The following LRTM2 variants were observed in gnomAD, a reference collection of about 807,000 sequenced individuals.
LRTM2 encodes leucine-rich repeat and transmembrane domain-containing protein 2.
A neutral mutation model predicts 28.1 loss-of-function variants in LRTM2; 18 were observed. That is an observed-to-expected ratio of 0.64 (90% CI 0.44 to 0.95). LRTM2 has a LOEUF of 0.95. LRTM2 is among the 40% of genes least tolerant of loss of function. LRTM2 has a pLI of 0.00. For synonymous variants in LRTM2, 250 were observed against 218.7 expected (o/e 1.14, Z -1.26); for missense variants, 436 against 497.2 (o/e 0.88, Z 1.17).
In LRTM2 at chr12:1,828,457, C is replaced by T. The variant is rs1047427369; in HGVS notation, c.67+242C>T. 6.6e-6 allele frequency among the ~76,000 whole-genome samples: 1 copy of T among 152,232 alleles called. No individual in the cohort carries two copies. The highest frequency in any genetic ancestry group is 1.5e-5 in the Non-Finnish European group (1 of 68,036). Reference sequence around the variant, plus strand: ...TTAGACCTGGAGCTGGAGGCCACGACAGTTGTTCTACCTCCCCCAGGTAAG... The same window carrying T: ...TTAGACCTGGAGCTGGAGGCCACGATAGTTGTTCTACCTCCCCCAGGTAAG... On this transcript the variant is annotated intron_variant, in intron 3 of 4. Coordinates refer to ENST00000299194, the MANE Select transcript of LRTM2 (RefSeq NM_001039029.3). This position sits in a 1 kb window ranked among gnomAD's most constrained non-coding sequence, Gnocchi z 4.2.
intron 4 of LRTM2, among the ~76,000 whole-genome samples, chr12:1,831,919 A>C (rs1264749511): frequency 6.6e-6 from 1 of 152,192 alleles, no homozygotes; most frequent in Non-Finnish European, 1.5e-5. Flanking sequence ...TGGTAGAAGG[A>C]GGGAGAAAAA....
Position 1,831,456 on chromosome 12 carries a change from G to A in LRTM2, c.589G>A (p.Asp197Asn). 6.2e-7 allele frequency: 1 copy of A among 1,614,114 alleles called. No homozygotes were observed. The highest frequency in any genetic ancestry group is 8.5e-7 in the Non-Finnish European group (1 of 1,180,042). ...LANLQLLQVGDNPWECDCNLR... is the reference protein window; with the variant it reads ...LANLQLLQVGNNPWECDCNLR... ...AAACCTGCAGCTGCTGCAGGTCGGG[G>A]ATAACCCCTGGGAGTGTGACTGTAA... Residue 197 changes from aspartate (D) to asparagine (N), a missense_variant, in exon 4 of 5, where the codon GAT (aspartate) becomes AAT (asparagine). By Grantham distance (23) the Asp-to-Asn change is conservative. Coordinates refer to ENST00000299194, the MANE Select transcript of LRTM2 (RefSeq NM_001039029.3).
chr12:1,834,153 C>A lies in LRTM2; in HGVS notation c.659-114C>A. 8.2e-7 allele frequency: 1 copy of A among 1,215,818 alleles called. No individual in the cohort carries two copies. Among genetic ancestry groups the A allele is most frequent in the Non-Finnish European group, 1.1e-6 (1 of 895,036 alleles). 75.3% of individuals were successfully genotyped at this position (1,215,818 alleles called of 1,614,324 possible). ...TAGATGGTGATTCCAGGATTGACTA[C>A]ATTGCTGATAAAAACTACCTTCTGG... On this transcript the variant is annotated intron_variant, in intron 4 of 4. Coordinates refer to ENST00000299194, the MANE Select transcript of LRTM2 (RefSeq NM_001039029.3). This position sits in a 1 kb window ranked among gnomAD's most constrained non-coding sequence, Gnocchi z 7.6.
Position 1,828,127 on chromosome 12 carries a change from C to T in LRTM2, c.-22C>T, listed in dbSNP as rs1481091526. The T allele has an allele frequency of 2.0e-6, 3 of 1,522,062 alleles. No homozygotes were observed. Among genetic ancestry groups the T allele is most frequent in the East Asian group, 2.5e-5 (1 of 39,948 alleles). The allele number at this position is 1,522,062 out of a possible 1,614,324, so 94.3% of individuals were successfully genotyped here. A position where few individuals can be genotyped will look rare whatever the true frequency, so the allele number is the denominator to read the frequency against. ...TCCTCTCTCCCCAGAGCGACAGGGCCCGGAGAGCCGTGGGCCTCACCATGC... is the reference window on the plus strand; with the variant it reads ...TCCTCTCTCCCCAGAGCGACAGGGCTCGGAGAGCCGTGGGCCTCACCATGC... On this transcript the variant is annotated 5_prime_UTR_variant, in exon 3 of 5. Coordinates refer to ENST00000299194, the MANE Select transcript of LRTM2 (RefSeq NM_001039029.3). The surrounding 1 kb of genome is among the most constrained non-coding windows in gnomAD (Gnocchi z 4.2).
intron 1 of LRTM2, among the ~76,000 whole-genome samples, chr12:1,824,361 A>G (rs940652774): frequency 6.6e-6 from 1 of 152,206 alleles, no homozygotes; most frequent in South Asian, 2.1e-4. Context: ...CCGCTGGTCC[A>G]TGGACCACAC....
Position 1,834,246 on chromosome 12 carries a change from C to T in LRTM2, c.659-21C>T. 2 of 1,531,568 alleles carry T rather than the reference C, an allele frequency of 1.3e-6. No homozygotes were observed. Among genetic ancestry groups the T allele is most frequent in the Non-Finnish European group, 1.8e-6 (2 of 1,137,852 alleles). 94.9% of individuals were successfully genotyped at this position (1,531,568 alleles called of 1,614,324 possible). ...AGTTCTAGATGCCTGGTCAGCCCCT[C>T]TTTTTCTCTTCTGCATGTAGGGGGA... is the stretch of plus-strand genomic sequence containing the variant. On this transcript the variant is annotated intron_variant, in intron 4 of 4. Coordinates refer to ENST00000299194, the MANE Select transcript of LRTM2 (RefSeq NM_001039029.3). This position sits in a 1 kb window ranked among gnomAD's most constrained non-coding sequence, Gnocchi z 7.6.
intron 1 of LRTM2, chr12:1,822,253 C>T (rs1381998444): frequency 6.6e-6 from 1 of 152,184 alleles, no homozygotes; most frequent in African/African-American, 2.4e-5. Flanking sequence ...CACCAGAGCC[C>T]AGGGGCCGCC....
chr12:1,824,898 C>A (rs866476335), intron 1 of LRTM2, among the ~76,000 whole-genome samples: 3 of 152,292 alleles, frequency 2.0e-5, no homozygotes, highest in African/African-American at 7.2e-5. Flanking sequence ...CTGCAAGCTG[C>A]GCTATTTTTC....
intron 1 of LRTM2, among the ~76,000 whole-genome samples, chr12:1,822,931 G>A (rs1565686918): frequency 6.6e-6 from 1 of 152,212 alleles, no homozygotes; most frequent in African/African-American, 2.4e-5. Flanking sequence ...CAGCCTTCCT[G>A]GGGTTGGTGG....
rs115768991 is a variant in LRTM2 at position 1,821,320 on chromosome 12, C to T, written c.-259+506C>T. 3.6e-3 allele frequency among the ~76,000 whole-genome samples: 550 copies of T among 152,264 alleles called. 2 individuals carry two copies. Among genetic ancestry groups the T allele is most frequent in the African/African-American group, 0.013 (521 of 41,554 alleles). On this transcript the variant is annotated intron_variant, in intron 1 of 4. Transcript: ENST00000299194. ...TGGATGTCAGAGGCATGGGCACAGA[C>T]CCAGGTCCTGGGCCTCCCTATAGCT...
Position 1,831,350 on chromosome 12 carries a change from C to G in LRTM2, c.483C>G (p.Asp161Glu). 1 of 1,613,876 alleles carries G rather than the reference C, an allele frequency of 6.2e-7. No individual in the cohort carries two copies. The highest frequency in any genetic ancestry group is 8.5e-7 in the Non-Finnish European group (1 of 1,180,032). Residue 161 changes from aspartate to glutamate, a missense_variant, in exon 4 of 5, where the codon GAC becomes GAG. Asp to Glu is a conservative substitution (Grantham distance 45). Coordinates refer to ENST00000299194, the MANE Select transcript of LRTM2 (RefSeq NM_001039029.3). ...CCCAGTTGCCCCCTGGTCTTTTCGA[C>G]GGGCTCCTGGCTCTGCGCTCCCTCT... ...GLAQLPPGLF[D>E]GLLALRSLSL...
intron 1 of LRTM2, among the ~76,000 whole-genome samples, chr12:1,825,783 A>C (rs1864290188): frequency 6.6e-6 from 1 of 152,176 alleles, no homozygotes; most frequent in African/African-American, 2.4e-5. Context: ...CTGCTGGGTG[A>C]CAGTCGCCAG....
Position 1,831,407 on chromosome 12 carries a change from C to A in LRTM2, c.540C>A (p.Asp180Glu). Residue 180 changes from aspartate to glutamate, a missense_variant, in exon 4 of 5, where the codon GAC becomes GAA. By Grantham distance (45) the Asp-to-Glu change is conservative (BLOSUM62 2). Transcript: ENST00000299194. Reference protein sequence around the residue: ...SLRSNRLQNLDRLTFEPLANL... With the variant: ...SLRSNRLQNLERLTFEPLANL... ...GCTCCAACCGTCTGCAGAATCTGGA[C>A]CGGCTGACATTTGAACCCCTAGCAA... The A allele has an allele frequency of 8.7e-6, 14 of 1,614,162 alleles. No individual in the cohort carries two copies. Among genetic ancestry groups the A allele is most frequent in the Non-Finnish European group, 1.2e-5 (14 of 1,180,038 alleles).
In LRTM2 at chr12:1,829,233, A is replaced by C. The variant is rs991809682; in HGVS notation, c.67+1018A>C. On this transcript the variant is annotated intron_variant, in intron 3 of 4. Transcript: ENST00000299194. This position sits in a 1 kb window ranked among gnomAD's most constrained non-coding sequence, Gnocchi z 4.2. ...GCCTGCTGTCAGGCCCTTCTCTGGGAGGGGCGAGCGGCTTCTGGTGATGCA... is the reference window on the plus strand; with the variant it reads ...GCCTGCTGTCAGGCCCTTCTCTGGGCGGGGCGAGCGGCTTCTGGTGATGCA... Among the ~76,000 whole-genome samples, 1 of 152,078 alleles carries C rather than the reference A, an allele frequency of 6.6e-6. No individual in the cohort carries two copies. The highest frequency in any genetic ancestry group is 2.1e-4 in the South Asian group (1 of 4,826).
Position 1,821,720 on chromosome 12 carries a change from A to G in LRTM2, c.-259+906A>G, listed in dbSNP as rs545928647. Among the ~76,000 whole-genome samples, 4 of 152,104 alleles carry G rather than the reference A, an allele frequency of 2.6e-5. No individual in the cohort carries two copies. The South Asian group carries it at 8.3e-4, about 32-fold the overall frequency. ...GGGACAGTTGCTCTCAATCCCCCAGACCCATTTGGACAGTGCTGGAGAGAG... is the reference window on the plus strand; with the variant it reads ...GGGACAGTTGCTCTCAATCCCCCAGGCCCATTTGGACAGTGCTGGAGAGAG... On this transcript the variant is annotated intron_variant, in intron 1 of 4. Coordinates refer to ENST00000299194, the MANE Select transcript of LRTM2 (RefSeq NM_001039029.3).
In LRTM2 at chr12:1,834,210, G is replaced by C; in HGVS notation, c.659-57G>C. 1 of 1,509,894 alleles carries C rather than the reference G, an allele frequency of 6.6e-7. No homozygotes were observed. The highest frequency in any genetic ancestry group is 2.3e-5 in the East Asian group (1 of 43,836). 93.5% of individuals were successfully genotyped at this position (1,509,894 alleles called of 1,614,324 possible). ...CGTTTTGGGGAGCTGGGGATGGGGA[G>C]AGGGAGTGCAAGTTCTAGATGCCTG... On this transcript the variant is annotated intron_variant, in intron 4 of 4. Transcript: ENST00000299194. This position sits in a 1 kb window ranked among gnomAD's most constrained non-coding sequence, Gnocchi z 7.6.
intron 2 of LRTM2, 107 bp from the exon 3 acceptor site, chr12:1,827,969 G>A: frequency 2.2e-6 from 1 of 444,542 alleles, no homozygotes; most frequent in Non-Finnish European, 3.9e-6. Context: ...GAGAGGAACA[G>A]GAGAGGGCAT....
chr12:1,834,249 T>C lies in LRTM2; in HGVS notation c.659-18T>C, dbSNP rs751599843. On this transcript the variant is annotated intron_variant, in intron 4 of 4. Transcript: ENST00000299194. This position sits in a 1 kb window ranked among gnomAD's most constrained non-coding sequence, Gnocchi z 7.6. The stretch of plus-strand genomic sequence containing the variant: ...TCTAGATGCCTGGTCAGCCCCTCTT[T>C]TTCTCTTCTGCATGTAGGGGGACGC... 195 of 1,532,190 alleles carry C rather than the reference T, an allele frequency of 1.3e-4. 1 individual carries two copies. In the South Asian group the frequency reaches 2.4e-3, roughly 19 times the overall value. 94.9% of individuals were successfully genotyped at this position (1,532,190 alleles called of 1,614,324 possible).
intron 2 of LRTM2, 183 bp from the exon 3 acceptor site, chr12:1,827,893 G>A (rs560439752): frequency 3.3e-5 from 13 of 396,714 alleles, no homozygotes; most frequent in East Asian, 1.5e-4. Context: ...AGCCTGCCCC[G>A]CCCCCATCCC....
Sources: gnomAD v4.1 joint callset for allele counts (sites outside exome capture counted in the v4.1 genomes callset) on GRCh38, gnomAD v4.1.1 for gene constraint, Gnocchi (gnomAD v3.1) non-coding constraint, MANE v1.5 for transcripts, NCBI Gene and HGNC (gene_info 2026-07-23, HGNC 2026-07-21) for gene names.